Variants in PDCL observed in about 807,000 individuals in gnomAD.
The protein encoded by PDCL is phosducin like.
In PDCL, 11 loss-of-function variants were observed where a neutral mutation model predicts 26.7. That is an observed-to-expected ratio of 0.41 (90% CI 0.26 to 0.68). PDCL has a LOEUF of 0.68. Ranked by LOEUF, PDCL falls within the 30% of genes least tolerant of loss-of-function variation. The pLI, the probability that PDCL is intolerant of heterozygous loss-of-function variation, is 0.30. For synonymous variants in PDCL, 118 were observed against 134.9 expected, an observed-to-expected ratio of 0.87 and a Z score of 0.87; for missense variants, 330 against 371.6, an observed-to-expected ratio of 0.89 and a Z score of 0.92.
intron 2 of PDCL, among the ~76,000 whole-genome samples, chr9:122,823,731 T>A (rs1397770507): frequency 3.3e-5 from 5 of 151,932 alleles, no homozygotes; most frequent in African/African-American, 1.2e-4. Context: ...GTGAGAGAGA[T>A]CTTTTACTTT....
intron 1 of PDCL, among the ~76,000 whole-genome samples, chr9:122,828,235 A>G (rs1422351084): frequency 6.6e-6 from 1 of 151,944 alleles, no homozygotes; most frequent in East Asian, 1.9e-4. Context: ...TGGAGACGCG[A>G]GCAGAGGAGG....
rs375190832 is a variant in PDCL at position 122,823,269 on chromosome 9, T to C, written c.173-72A>G. ...TTATGGACCAGCTGACATCTGTAGGTAGGAGTTCACATCTGCCTGAAGCTT... is the reference window on the plus strand; with the variant it reads ...TTATGGACCAGCTGACATCTGTAGGCAGGAGTTCACATCTGCCTGAAGCTT... On this transcript the variant is annotated intron_variant, in intron 2 of 3. Coordinates refer to ENST00000259467, the MANE Select transcript of PDCL (RefSeq NM_005388.5). 3.2e-5 allele frequency: 46 copies of C among 1,443,158 alleles called. 1 individual carries two copies. In the African/African-American group the frequency reaches 5.2e-4, roughly 16 times the overall value. 89.4% of individuals were successfully genotyped at this position (1,443,158 alleles called of 1,614,324 possible). A position where few individuals can be genotyped will look rare whatever the true frequency, so the allele number is the denominator to read the frequency against.
intron 1 of PDCL, among the ~76,000 whole-genome samples, 164 bp from the exon 2 acceptor site, chr9:122,826,956 G>A (rs1301332651): frequency 1.3e-5 from 2 of 152,172 alleles, no homozygotes; most frequent in Non-Finnish European, 2.9e-5. Context: ...TACCCTGTGT[G>A]TTAGGGCTTA....
In PDCL at chr9:122,828,545, G is replaced by A. The variant is rs1829661126; in HGVS notation, c.-80C>T. On this transcript the variant is annotated 5_prime_UTR_variant, in exon 1 of 4. Coordinates refer to ENST00000259467, the MANE Select transcript of PDCL (RefSeq NM_005388.5). ...GAAGGAATGGAGCACTTTCTTAAGA[G>A]GAAGAGCAGTGGGTCAGCGCCCTGA... 6.6e-6 allele frequency: 1 copy of A among 152,286 alleles called. No individual in the cohort carries two copies. Among genetic ancestry groups the A allele is most frequent in the African/African-American group, 2.4e-5 (1 of 41,458 alleles). 9.4% of individuals were successfully genotyped at this position (152,286 alleles called of 1,614,324 possible).
At position 122,818,474 on chromosome 9, in the gene PDCL, A is replaced by G. The variant is rs1829512882; in HGVS notation, c.*1611T>C. 6.6e-6 allele frequency: 1 copy of G among 152,156 alleles called. No individual in the cohort carries two copies. The highest frequency in any genetic ancestry group is 6.5e-5 in the Admixed American group (1 of 15,274). 9.4% of individuals were successfully genotyped at this position (152,156 alleles called of 1,614,324 possible). On this transcript the variant is annotated 3_prime_UTR_variant, in exon 4 of 4. Coordinates refer to ENST00000259467, the MANE Select transcript of PDCL (RefSeq NM_005388.5). ...CTCAATGTTTATAAAAATATTGAAA[A>G]AAGACTGAAAGGAAATAAGCTAGAC...
At chr9:122,824,217 G>C (rs2131363221) in intron 2 of PDCL, among the ~76,000 whole-genome samples, 1 of 152,308 alleles carries the variant, frequency 6.6e-6, no homozygotes, top group African/African-American at 2.4e-5. Context: ...GGTACCTCCT[G>C]TGGGATGAGT....
chr9:122,822,703 T>C (rs1829567631), intron 3 of PDCL, among the ~76,000 whole-genome samples: 1 of 152,136 alleles, frequency 6.6e-6, no homozygotes, highest in African/African-American at 2.4e-5. Flanking sequence ...GAAGGGAAAC[T>C]AAAATTTACT....
intron 2 of PDCL, among the ~76,000 whole-genome samples, chr9:122,825,537 A>C (rs1359225000): frequency 6.6e-6 from 1 of 152,210 alleles, no homozygotes; most frequent in Admixed American, 6.5e-5. Flanking sequence ...GTAAAATGCA[A>C]AATTAAGAAA....
At chr9:122,825,386 T>C (rs1459088623) in intron 2 of PDCL, among the ~76,000 whole-genome samples, 1 of 152,106 alleles carries the variant, frequency 6.6e-6, no homozygotes, top group Non-Finnish European at 1.5e-5. Context: ...GGTCTCGAAC[T>C]CCTGAGCTCA....
rs564064164 is a variant in PDCL at position 122,828,543 on chromosome 9, G to A, written c.-78C>T. 4 of 152,408 alleles carry A rather than the reference G, an allele frequency of 2.6e-5. No homozygotes were observed. Among genetic ancestry groups the A allele is most frequent in the African/African-American group, 9.6e-5 (4 of 41,584 alleles). 9.4% of individuals were successfully genotyped at this position (152,408 alleles called of 1,614,324 possible). On this transcript the variant is annotated 5_prime_UTR_variant, in exon 1 of 4. Coordinates refer to ENST00000259467, the MANE Select transcript of PDCL (RefSeq NM_005388.5). Reference sequence around the variant, plus strand: ...CGGAAGGAATGGAGCACTTTCTTAAGAGGAAGAGCAGTGGGTCAGCGCCCT... The same window carrying A: ...CGGAAGGAATGGAGCACTTTCTTAAAAGGAAGAGCAGTGGGTCAGCGCCCT...
At chr9:122,822,630 G>C (rs539973014) in intron 3 of PDCL, among the ~76,000 whole-genome samples, 1 of 152,264 alleles carries the variant, frequency 6.6e-6, no homozygotes, top group East Asian at 1.9e-4. Flanking sequence ...TTATCTGTAA[G>C]AAGGGGATAA....
At chr9:122,828,254 C>G (rs2131365192) in intron 1 of PDCL, among the ~76,000 whole-genome samples, 1 of 152,162 alleles carries the variant, frequency 6.6e-6, no homozygotes, top group East Asian at 1.9e-4. Context: ...GGCGGGGCCC[C>G]CGGACGGGAA....
At chr9:122,822,870 G>A (rs1190605655) in intron 3 of PDCL, 146 bp downstream of exon 3, 1 of 701,238 alleles carries the variant, frequency 1.4e-6, no homozygotes, top group African/African-American at 1.8e-5. Flanking sequence ...AGCTGGGTGG[G>A]TTTGAGTTTT....
chr9:122,820,704 C>T, intron 3 of PDCL, 68 bp from the exon 4 acceptor site: 1 of 1,375,816 alleles, frequency 7.3e-7, no homozygotes, highest in Non-Finnish European at 9.8e-7. Context: ...TTAATATGGG[C>T]CGGGCGCGGT....
chr9:122,820,755 G>C, intron 3 of PDCL, 119 bp from the exon 4 acceptor site: 1 of 762,432 alleles, frequency 1.3e-6, no homozygotes, highest in East Asian at 2.7e-5. Context: ...AGGCTGAGAC[G>C]AGCGGATCAC....
rs4997232 is a variant in PDCL, at chr9:122,819,894, C to T, written c.*191G>A. The stretch of plus-strand genomic sequence containing the variant: ...AAAGCCTGGCTTCCTGTTTATACAA[C>T]TGTAAGTCACCTTATTGCTAGCTAC... On this transcript the variant is annotated 3_prime_UTR_variant, in exon 4 of 4. Transcript: ENST00000259467. The T allele has an allele frequency of 0.31, 152,807 of 496,644 alleles. 28,598 individuals are homozygous for T. The highest frequency in any genetic ancestry group is 0.63 in the East Asian group (18,538 of 29,492). 30.8% of individuals were successfully genotyped at this position (496,644 alleles called of 1,614,324 possible). A position where few individuals can be genotyped will look rare whatever the true frequency, so the allele number is the denominator to read the frequency against.
intron 3 of PDCL, 142 bp downstream of exon 3, chr9:122,822,874 G>C: frequency 2.8e-6 from 2 of 723,098 alleles, no homozygotes; most frequent in Non-Finnish European, 4.7e-6. Context: ...GGGTGGGTTT[G>C]AGTTTTGACA....
chr9:122,822,286 G>A (rs766159700), intron 3 of PDCL, among the ~76,000 whole-genome samples: 4 of 151,902 alleles, frequency 2.6e-5, no homozygotes, highest in Non-Finnish European at 4.4e-5. Context: ...CGGGCACCAC[G>A]GCTCACGCCT....
chr9:122,822,960 AC>A, intron 3 of PDCL, 55 bp downstream of exon 3: 1 of 1,476,874 alleles, frequency 6.8e-7, no homozygotes, highest in Non-Finnish European at 9.5e-7. Flanking sequence ...TGAATCACTC[AC>A]CCAGCTCTAG....
Sources: allele counts gnomAD v4.1 joint callset (sites outside exome capture counted in the v4.1 genomes callset), GRCh38; gene constraint gnomAD v4.1.1; transcripts MANE v1.5; gene names NCBI Gene and HGNC (gene_info 2026-07-23, HGNC 2026-07-21).